BRSK2: variants seen among roughly 807,000 people sequenced by gnomAD.
The protein encoded by BRSK2 is BR serine/threonine kinase 2, also known as serine/threonine-protein kinase BRSK2.
Under a neutral mutation model 83.3 loss-of-function variants are expected in BRSK2, and 19 were observed. The ratio of observed to expected loss-of-function variants is 0.23; its 90% confidence interval spans 0.16 to 0.33. The LOEUF is 0.33. BRSK2 is among the 10% of genes least tolerant of loss of function. The probability of loss-of-function intolerance (pLI) is 1.00; values close to 1 mark genes in which losing one functional copy is unlikely to be tolerated. For missense variants in BRSK2, 798 were observed against 1,042.3 expected, an observed-to-expected ratio of 0.77 and a Z score of 3.23; for synonymous variants, 519 against 435.4, an observed-to-expected ratio of 1.19 and a Z score of -2.39.
In BRSK2 at chr11:1,454,314, G is replaced by C. The variant is rs565055405; in HGVS notation, c.1545-171G>C. ...GGTGATGGTCAGGGCATATGGGCTA[G>C]GGTTAGGGCGTTGGGGTCAGGGCCA... On this transcript the variant is annotated intron_variant, in intron 15 of 19. Transcript: ENST00000528841. The surrounding 1 kb of genome is among the most constrained non-coding windows in gnomAD (Gnocchi z 5.2). 2 of 728,956 alleles carry C rather than the reference G, an allele frequency of 2.7e-6. No homozygotes were observed. Among genetic ancestry groups the C allele is most frequent in the African/African-American group, 1.8e-5 (1 of 56,728 alleles). 45.2% of individuals were successfully genotyped at this position (728,956 alleles called of 1,614,324 possible). A position where few individuals can be genotyped will look rare whatever the true frequency, so the allele number is the denominator to read the frequency against.
At chr11:1,391,796 C>T (rs542960380) in intron 1 of BRSK2, among the ~76,000 whole-genome samples, 23 of 152,198 alleles carry the variant, frequency 1.5e-4, no homozygotes, top group Non-Finnish European at 2.6e-4. Flanking sequence ...CAATTACGGT[C>T]CCAATAAAAT....
Position 1,456,887 on chromosome 11 carries a change from C to G in BRSK2, c.1939+200C>G, listed in dbSNP as rs533142484. 2,007 of 1,532,728 alleles carry G rather than the reference C, an allele frequency of 1.3e-3. 4 individuals carry two copies. The highest frequency in any genetic ancestry group is 1.6e-3 in the Non-Finnish European group (1,845 of 1,133,138). The allele number at this position is 1,532,728 out of a possible 1,614,324, so 94.9% of individuals were successfully genotyped here. ...CCTGGCCTGGCGGGACCACCCGCCT[C>G]GCCTCTGCACGCCAGGGACATAGGG... is the stretch of plus-strand genomic sequence containing the variant. On this transcript the variant is annotated intron_variant, in intron 18 of 19. Transcript: ENST00000528841.
Position 1,460,739 on chromosome 11 carries a change from C to CG in BRSK2, c.*16_*17insG, listed in dbSNP as rs775072179. 3.5e-6 allele frequency: 5 copies of CG among 1,410,466 alleles called. No homozygotes were observed. The East Asian group carries it at 8.1e-5, about 23-fold the overall frequency. The allele number at this position is 1,410,466 out of a possible 1,614,324, so 87.4% of individuals were successfully genotyped here. ...GCAGCCTTAGACACACTAGCCCCCC[C>CG]CCCCAGCACAGCACTGACAGCGGCT... is the stretch of plus-strand genomic sequence containing the variant. On this transcript the variant is annotated 3_prime_UTR_variant, in exon 20 of 20. Coordinates refer to ENST00000528841, the MANE Select transcript of BRSK2 (RefSeq NM_001256627.2).
rs139099614 is a variant in BRSK2, at chr11:1,461,120, T to C, written c.*397T>C. Reference sequence around the variant, plus strand: ...GCCCCGTCCACCCCGCGGCAGCTCCTCGCCTCAGCTCCGCACGGCCCGTGG... The same window carrying C: ...GCCCCGTCCACCCCGCGGCAGCTCCCCGCCTCAGCTCCGCACGGCCCGTGG... On this transcript the variant is annotated 3_prime_UTR_variant, in exon 20 of 20. Coordinates refer to ENST00000528841, the MANE Select transcript of BRSK2 (RefSeq NM_001256627.2). 8.7e-3 allele frequency: 11,840 copies of C among 1,364,284 alleles called. 76 individuals carry two copies. The highest frequency in any genetic ancestry group is 0.01 in the Non-Finnish European group (10,093 of 995,970). 84.5% of individuals were successfully genotyped at this position (1,364,284 alleles called of 1,614,324 possible).
chr11:1,446,814 G>A (rs984326305), intron 12 of BRSK2, among the ~76,000 whole-genome samples: 11 of 152,222 alleles, frequency 7.2e-5, no homozygotes, highest in African/African-American at 1.2e-4. Flanking sequence ...CACACCAGGA[G>A]GTCCAGGAGC....
chr11:1,450,880 C>A, intron 14 of BRSK2, 86 bp downstream of exon 14: 2 of 1,310,186 alleles, frequency 1.5e-6, no homozygotes, highest in Non-Finnish European at 1.0e-6. Flanking sequence ...AGTGCCAGAC[C>A]AGTCCGAGGG....
chr11:1,414,906 G>A (rs932038341), intron 1 of BRSK2, among the ~76,000 whole-genome samples: 1 of 152,122 alleles, frequency 6.6e-6, no homozygotes, highest in African/African-American at 2.4e-5. Context: ...CCTTCCTTTT[G>A]AGGCTGAACG....
At chr11:1,411,268 C>G (rs748213331) in intron 1 of BRSK2, 307 of 1,307,910 alleles carry the variant, frequency 2.3e-4, no homozygotes, top group Non-Finnish European at 2.8e-4. Flanking sequence ...TGGGCCAGAT[C>G]AGCAGGAAAG....
At chr11:1,417,696 T>G (rs1848238558) in intron 1 of BRSK2, among the ~76,000 whole-genome samples, 1 of 139,900 alleles carries the variant, frequency 7.1e-6, no homozygotes, top group African/African-American at 2.7e-5. Context: ...GTTGGCTGTT[T>G]CTTCTCTTGA....
At chr11:1,445,078 G>C in intron 9 of BRSK2, 76 bp downstream of exon 9, 1 of 1,571,150 alleles carries the variant, frequency 6.4e-7, no homozygotes, top group Non-Finnish European at 8.8e-7. Flanking sequence ...GGAAAGGCGG[G>C]GGGAGGGCGC....
chr11:1,422,258 C>T (rs910794221), intron 1 of BRSK2, among the ~76,000 whole-genome samples: 2 of 152,160 alleles, frequency 1.3e-5, no homozygotes, highest in African/African-American at 4.8e-5. Flanking sequence ...GCCCCCAGCC[C>T]CCTCCTGAGC....
At chr11:1,399,581 G>A (rs373732287) in intron 1 of BRSK2, among the ~76,000 whole-genome samples, 7 of 152,174 alleles carry the variant, frequency 4.6e-5, no homozygotes, top group South Asian at 4.2e-4. Flanking sequence ...TGCCAGGGCC[G>A]CACAGTCCCT....
At chr11:1,453,392 A>C (rs1257183316) in intron 15 of BRSK2, among the ~76,000 whole-genome samples, 1 of 152,240 alleles carries the variant, frequency 6.6e-6, no homozygotes, top group African/African-American at 2.4e-5. Flanking sequence ...TTCATCGGGC[A>C]GAACATCGAC....
At position 1,461,264 on chromosome 11, in the gene BRSK2, G is replaced by C; in HGVS notation, c.*541G>C. 2 of 532,440 alleles carry C rather than the reference G, an allele frequency of 3.8e-6. No homozygotes were observed. Among genetic ancestry groups the C allele is most frequent in the Non-Finnish European group, 3.3e-6 (1 of 302,820 alleles). 33.0% of individuals were successfully genotyped at this position (532,440 alleles called of 1,614,324 possible). On this transcript the variant is annotated 3_prime_UTR_variant, in exon 20 of 20. Coordinates refer to ENST00000528841, the MANE Select transcript of BRSK2 (RefSeq NM_001256627.2). ...CTTCTGGGGCCAGGACCCCTGGTGG[G>C]CAACGTAGCCACAGGAACAGGCCCC...
At position 1,459,225 on chromosome 11, in the gene BRSK2, G is replaced by A. The variant is rs770615206; in HGVS notation, c.1973G>A (p.Arg658Gln). 1.2e-5 allele frequency: 20 copies of A among 1,613,686 alleles called. No homozygotes were observed. Among genetic ancestry groups the A allele is most frequent in the East Asian group, 2.2e-5 (1 of 44,900 alleles). ...AACTGTATGGAAATGATGACGGGGC[G>A]GCTTTCCAAATGTGGTAAGAATCCC... ...TTNCMEMMTGRLSKCGSPLSN... is the reference protein window; with the variant it reads ...TTNCMEMMTGQLSKCGSPLSN... The change falls in exon 19 of 20, where the codon CGG (arginine) becomes CAG (glutamine). Residue 658 changes from arginine (R) to glutamine (Q), a missense_variant. Physicochemically the swap from Arg to Gln is conservative, Grantham distance 43. Transcript: ENST00000528841.
chr11:1,460,391 T>G, intron 19 of BRSK2, 109 bp from the exon 20 acceptor site: 55 of 917,590 alleles, frequency 6.0e-5, no homozygotes, highest in East Asian at 7.5e-5. Context: ...CTTCGTTCAT[T>G]TGTTTGTTTG....
intron 19 of BRSK2, chr11:1,459,511 G>A (rs546027708): frequency 2.0e-5 from 10 of 505,378 alleles, no homozygotes; most frequent in South Asian, 1.1e-4. Context: ...CCCAAGGCCT[G>A]AAGCCAGTGA....
chr11:1,428,027 G>A (rs894009753), intron 1 of BRSK2, among the ~76,000 whole-genome samples: 2 of 152,196 alleles, frequency 1.3e-5, no homozygotes, highest in Non-Finnish European at 2.9e-5. Flanking sequence ...GGGCTCTGAG[G>A]AGTGTGTAGG....
At chr11:1,450,529 C>CT in intron 13 of BRSK2, 58 bp from the exon 14 acceptor site, 2 of 854,410 alleles carry the variant, frequency 2.3e-6, no homozygotes, top group Non-Finnish European at 3.7e-6. Flanking sequence ...TGCGGGTGCC[C>CT]CCCCGGCCCC....
Sources: gnomAD v4.1 joint callset for allele counts (sites outside exome capture counted in the v4.1 genomes callset) on GRCh38, gnomAD v4.1.1 for gene constraint, Gnocchi (gnomAD v3.1) non-coding constraint, MANE v1.5 for transcripts, NCBI Gene and HGNC (gene_info 2026-07-23, HGNC 2026-07-21) for gene names.